Variants in CUL9 observed in about 807,000 individuals in gnomAD.
The protein encoded by CUL9 is cullin-9.
Under a neutral mutation model 272.6 loss-of-function variants are expected in CUL9, and 79 were observed. The ratio of observed to expected loss-of-function variants is 0.29; its 90% confidence interval spans 0.24 to 0.35. The LOEUF (loss-of-function observed/expected upper bound fraction) is 0.35, where lower values mean the gene tolerates loss of function less well. Among genes scored for constraint, CUL9 ranks in the 10% least tolerant of loss-of-function variants. The pLI, the probability that CUL9 is intolerant of heterozygous loss-of-function variation, is 1.00. For missense variants in CUL9, 2,532 were observed against 3,255.6 expected (o/e 0.78, Z 5.41); for synonymous variants, 1,186 against 1,286.5 (o/e 0.92, Z 1.67).
chr6:43,188,377 C>A lies in CUL9; in HGVS notation c.1988-146C>A, dbSNP rs540812590. The A allele has an allele frequency of 4.3e-5, 37 of 861,196 alleles. No individual in the cohort carries two copies. The South Asian group carries it at 6.4e-4, about 15-fold the overall frequency. 53.3% of individuals were successfully genotyped at this position (861,196 alleles called of 1,614,324 possible). On this transcript the variant is annotated intron_variant, in intron 7 of 40. Transcript: ENST00000252050. ...ATCTCCTTTGTTTGATCATTAGATC[C>A]CTGACACAGAATTGGAAAACTCTGC... is the stretch of plus-strand genomic sequence containing the variant.
At chr6:43,217,871 A>G (rs1470409114) in intron 31 of CUL9, among the ~76,000 whole-genome samples, 1 of 152,258 alleles carries the variant, frequency 6.6e-6, no homozygotes, top group Non-Finnish European at 1.5e-5. Flanking sequence ...AATAATATTG[A>G]TGGGAGCTCA....
chr6:43,187,353 T>A lies in CUL9; in HGVS notation c.1495T>A (p.Trp499Arg), dbSNP rs535299393. ...ERVGYLTQAE[W>R]WELLFFIKKL... ...AGTGGGATATCTGACCCAGGCTGAA[T>A]GGTGGGAGCTGCTTTTCTTTATCAA... Residue 499 changes from tryptophan to arginine, a missense_variant, in exon 6 of 41, where the codon TGG becomes AGG. Transcript: ENST00000252050. 8 of 1,613,940 alleles carry A rather than the reference T, an allele frequency of 5.0e-6. No homozygotes were observed. The highest frequency in any genetic ancestry group is 6.8e-6 in the Non-Finnish European group (8 of 1,179,998).
At chr6:43,186,566 G>A in intron 4 of CUL9, 111 bp downstream of exon 4, 1 of 1,413,556 alleles carries the variant, frequency 7.1e-7, no homozygotes, top group East Asian at 2.4e-5. Context: ...CCCCCCTGGG[G>A]AATTGGAATG....
rs1774379909 is a variant in CUL9, at chr6:43,200,049, G to C, written c.3277G>C (p.Ala1093Pro). ...CTCCAAAGTCCTGGACAAGCACTCAGCTCAGCTGCTGCTGGGCTGTGAGCT... is the reference window on the plus strand; with the variant it reads ...CTCCAAAGTCCTGGACAAGCACTCACCTCAGCTGCTGCTGGGCTGTGAGCT... Reference protein sequence around the residue: ...ILSKVLDKHSAQLLLGCELRD... With the variant: ...ILSKVLDKHSPQLLLGCELRD... The change falls in exon 14 of 41, where the codon GCT (alanine) becomes CCT (proline). Residue 1093 changes from alanine (A) to proline (P), a missense_variant. Ala to Pro is a conservative substitution (Grantham distance 27). This residue lies in a region of CUL9 where 2,218 missense variants were observed against 2,788.6 expected (regional missense o/e 0.80). Coordinates refer to ENST00000252050, the MANE Select transcript of CUL9 (RefSeq NM_015089.4). The surrounding 1 kb of genome is among the most constrained non-coding windows in gnomAD (Gnocchi z 4.0). 4 of 1,614,258 alleles carry C rather than the reference G, an allele frequency of 2.5e-6. 1 individual carries two copies. The highest frequency in any genetic ancestry group is 3.4e-6 in the Non-Finnish European group (4 of 1,180,042).
intron 8 of CUL9, among the ~76,000 whole-genome samples, chr6:43,191,532 A>G (rs978322560): frequency 2.6e-5 from 3 of 113,222 alleles, no homozygotes; most frequent in Admixed American, 1.1e-4. Flanking sequence ...GGGTCTCACT[A>G]TGTTGCCCAG....
chr6:43,196,525 G>A (rs1774008621), intron 10 of CUL9, 120 bp from the exon 11 acceptor site: 9 of 964,196 alleles, frequency 9.3e-6, no homozygotes, highest in African/African-American at 3.2e-5. Context: ...CAGATGTCCT[G>A]GCTCAGAGGG....
intron 37 of CUL9, 41 bp downstream of exon 37, chr6:43,222,682 C>T (rs752704512): frequency 6.2e-7 from 1 of 1,606,320 alleles, no homozygotes; most frequent in South Asian, 1.1e-5. Context: ...AGGGGTGTGC[C>T]AAATGGGTCT....
Position 43,213,740 on chromosome 6 carries a change from C to G in CUL9, c.5516C>G (p.Pro1839Arg). ...GTGCTGCGGCTTCATGAGCCTGGGC[C>G]CCAGCGCAGTGGGGAGGCCCTGTGG... The part of the protein sequence containing the change: ...GGVLRLHEPG[P>R]QRSGEALWLI... The change falls in exon 29 of 41, where the codon CCC becomes CGC. Residue 1839 changes from proline (P) to arginine (R), a missense_variant. Around this residue, in one of 3 missense-constraint regions of CUL9, gnomAD observed 2,218 missense variants for 2,788.6 expected, o/e 0.80. Transcript: ENST00000252050. This position sits in a 1 kb window ranked among gnomAD's most constrained non-coding sequence, Gnocchi z 5.7. The G allele has an allele frequency of 6.2e-7, 1 of 1,613,684 alleles. No homozygotes were observed. Among genetic ancestry groups the G allele is most frequent in the South Asian group, 1.1e-5 (1 of 91,056 alleles).
Position 43,185,502 on chromosome 6 carries a change from C to T in CUL9, c.642C>T (p.Ile214=), listed in dbSNP as rs146200421. The stretch of plus-strand genomic sequence containing the variant: ...TATCACTGAGCCAGCAAGATGGCAT[C>T]GAGCAGCACATGGATTTTGACAGTC... ...VLLSLSQQDG[I]EQHMDFDSRY... is the part of the protein sequence containing the mutation. Residue 214 remains isoleucine (I), a synonymous_variant, in exon 3 of 41, where the codon ATC becomes ATT. Transcript: ENST00000252050. The T allele has an allele frequency of 5.6e-6, 9 of 1,613,838 alleles. No homozygotes were observed. Among genetic ancestry groups the T allele is most frequent in the South Asian group, 3.3e-5 (3 of 91,080 alleles).
chr6:43,196,527 C>G lies in CUL9; in HGVS notation c.2586-118C>G, dbSNP rs1055697036. ...AAGGTCAGGGGATCAGATGTCCTGG[C>G]TCAGAGGGCCCACTGGAGCCCTTTG... On this transcript the variant is annotated intron_variant, in intron 10 of 40. Coordinates refer to ENST00000252050, the MANE Select transcript of CUL9 (RefSeq NM_015089.4). 9.2e-6 allele frequency: 9 copies of G among 980,558 alleles called. No homozygotes were observed. The African/African-American group carries it at 1.4e-4, about 16-fold the overall frequency. The allele number at this position is 980,558 out of a possible 1,614,324, so 60.7% of individuals were successfully genotyped here. A position where few individuals can be genotyped will look rare whatever the true frequency, so the allele number is the denominator to read the frequency against.
intron 1 of CUL9, among the ~76,000 whole-genome samples, chr6:43,183,335 C>A (rs528363591): frequency 1.3e-5 from 2 of 152,192 alleles, no homozygotes; most frequent in Non-Finnish European, 2.9e-5. Context: ...CTAGGGCCCT[C>A]CCCCTTTCAC....
intron 1 of CUL9, among the ~76,000 whole-genome samples, chr6:43,183,447 C>T (rs1420301424): frequency 1.3e-5 from 2 of 152,166 alleles, no homozygotes; most frequent in Non-Finnish European, 2.9e-5. Flanking sequence ...TTTACATCCA[C>T]CTTGCAGCTT....
intron 29 of CUL9, among the ~76,000 whole-genome samples, 186 bp downstream of exon 29, chr6:43,214,098 G>A (rs541338125): frequency 1.3e-5 from 2 of 152,288 alleles, no homozygotes; most frequent in South Asian, 4.1e-4. Flanking sequence ...CATGAACCAG[G>A]CCCTATGCTA....
In CUL9 at chr6:43,184,556, G is replaced by A. The variant is rs1165743359; in HGVS notation, c.246G>A (p.Glu82=). The A allele has an allele frequency of 1.9e-6, 3 of 1,613,264 alleles. No individual in the cohort carries two copies. The highest frequency in any genetic ancestry group is 2.5e-6 in the Non-Finnish European group (3 of 1,179,316). Residue 82 remains glutamate (E), a synonymous_variant, in exon 2 of 41, where the codon GAG becomes GAA. Coordinates refer to ENST00000252050, the MANE Select transcript of CUL9 (RefSeq NM_015089.4). The surrounding 1 kb of genome is among the most constrained non-coding windows in gnomAD (Gnocchi z 4.8). ...CCAACTGCCCTGGGCTGTTAGGTGA[G>A]CGGGCACTATCTAAGGGACTTCAGC... ...VYANCPGLLG[E]RALSKGLQHE... is the part of the protein sequence containing the mutation.
chr6:43,185,117 T>C (rs1018982463), intron 2 of CUL9, among the ~76,000 whole-genome samples: 1 of 152,364 alleles, frequency 6.6e-6, no homozygotes. Flanking sequence ...TCTCAGTGCA[T>C]TGACCAGAGA....
At chr6:43,190,976 G>T (rs1291022637) in intron 8 of CUL9, among the ~76,000 whole-genome samples, 2 of 151,906 alleles carry the variant, frequency 1.3e-5, no homozygotes, top group Admixed American at 1.3e-4. Flanking sequence ...TCGTAATTTT[G>T]TGTATAGTGT....
chr6:43,203,497 G>C lies in CUL9; in HGVS notation c.3930G>C (p.Leu1310=). 1 of 1,614,208 alleles carries C rather than the reference G, an allele frequency of 6.2e-7. No homozygotes were observed. The highest frequency in any genetic ancestry group is 8.5e-7 in the Non-Finnish European group (1 of 1,180,044). The part of the protein sequence containing the change: ...PTFWPLFREQ[L]CRRTCLFYTI... ...TCTGGCCACTGTTCCGGGAGCAGCT[G>C]TGTCGCCGAACATGTCTCTTCTACA... is the stretch of plus-strand genomic sequence containing the variant. Residue 1310 remains leucine (L), a synonymous_variant, in exon 19 of 41, where the codon CTG becomes CTC. Transcript: ENST00000252050. This position sits in a 1 kb window ranked among gnomAD's most constrained non-coding sequence, Gnocchi z 5.0.
chr6:43,213,538 T>C lies in CUL9; in HGVS notation c.5459T>C (p.Leu1820Pro), dbSNP rs1562053549. The stretch of plus-strand genomic sequence containing the variant: ...ACCTCAGGGAATGGCCCTTTGACCC[T>C]GCATGAGGGCCAGGACTTTCCACAC... ...PLTSGNGPLT[L>P]HEGQDFPHGG... Residue 1820 changes from leucine to proline, a missense_variant, in exon 28 of 41, where the codon CTG (leucine) becomes CCG (proline). By Grantham distance (98) the Leu-to-Pro change is moderately conservative. Around this residue, in one of 3 missense-constraint regions of CUL9, gnomAD observed 2,218 missense variants for 2,788.6 expected, o/e 0.80. Transcript: ENST00000252050. The surrounding 1 kb of genome is among the most constrained non-coding windows in gnomAD (Gnocchi z 5.7). 2.5e-6 allele frequency: 4 copies of C among 1,609,258 alleles called. No individual in the cohort carries two copies. The highest frequency in any genetic ancestry group is 2.5e-6 in the Non-Finnish European group (3 of 1,178,398).
At position 43,186,293 on chromosome 6, in the gene CUL9, C is replaced by T. The variant is rs1325059113; in HGVS notation, c.1089C>T (p.Phe363=). Residue 363 remains phenylalanine (F), a synonymous_variant, in exon 4 of 41, where the codon TTC becomes TTT. Transcript: ENST00000252050. Reference sequence around the variant, plus strand: ...CCCCCAGAAGACAAGGGTGGGTCTTCCGCCAGCGCTCTGAATTCTCCAGCC... The same window carrying T: ...CCCCCAGAAGACAAGGGTGGGTCTTTCGCCAGCGCTCTGAATTCTCCAGCC... ...VTTPRRQGWV[F]RQRSEFSSRS... is the part of the protein sequence containing the mutation. 6.2e-7 allele frequency: 1 copy of T among 1,614,224 alleles called. No homozygotes were observed. The highest frequency in any genetic ancestry group is 1.7e-5 in the Admixed American group (1 of 60,032).
Sources: allele counts gnomAD v4.1 joint callset (sites outside exome capture counted in the v4.1 genomes callset), GRCh38; gene constraint gnomAD v4.1.1; regional missense constraint gnomAD v4.1.1; non-coding constraint Gnocchi (gnomAD v3.1); transcripts MANE v1.5; gene names NCBI Gene and HGNC (gene_info 2026-07-23, HGNC 2026-07-21).